NKAIN2: variants seen among roughly 807,000 people sequenced by gnomAD.
NKAIN2 encodes sodium/potassium-transporting ATPase subunit beta-1-interacting protein 2.
A neutral mutation model predicts 32.6 loss-of-function variants in NKAIN2; 14 were observed. The observed-to-expected ratio is 0.43, with a 90% CI of 0.28 to 0.67. NKAIN2 has a LOEUF of 0.67. Among genes scored for constraint, NKAIN2 ranks in the 30% least tolerant of loss-of-function variants. NKAIN2 has a pLI of 0.17. For missense variants in NKAIN2, 198 were observed against 258.3 expected (o/e 0.77, Z 1.60); for synonymous variants, 80 against 87.2 (o/e 0.92, Z 0.46).
chr6:124,028,925 G>A (rs200786449), intron 1 of NKAIN2, among the ~76,000 whole-genome samples: 184 of 81,382 alleles, frequency 2.3e-3, no homozygotes, highest in African/African-American at 6.1e-3. Flanking sequence ...ATATATATGT[G>A]TATATATATA....
At chr6:124,028,160 T>C (rs934716203) in intron 1 of NKAIN2, among the ~76,000 whole-genome samples, 2 of 152,172 alleles carry the variant, frequency 1.3e-5, no homozygotes, top group Non-Finnish European at 2.9e-5. Context: ...ATGTTCTGTA[T>C]ATACTTCATC....
intron 2 of NKAIN2, among the ~76,000 whole-genome samples, chr6:124,291,792 AG>A (rs1795826092): frequency 6.6e-6 from 1 of 152,012 alleles, no homozygotes; most frequent in Non-Finnish European, 1.5e-5. Context: ...AAAGCCCTCA[AG>A]CCCCTATTCC....
In NKAIN2 at chr6:123,980,740, G is replaced by T. The variant is rs114926757; in HGVS notation, c.54+176486G>T. 3.6e-3 allele frequency among the ~76,000 whole-genome samples: 544 copies of T among 152,262 alleles called. 3 individuals are homozygous for T. Among genetic ancestry groups the T allele is most frequent in the African/African-American group, 0.012 (506 of 41,552 alleles). On this transcript the variant is annotated intron_variant, in intron 1 of 6. Transcript: ENST00000368417. ...TGTTTAATTATTTAAAGGATACTTA[G>T]TAGATACTTGTTTTCTGTAAGATTT...
At chr6:124,374,254 A>G (rs1028548528) in intron 3 of NKAIN2, among the ~76,000 whole-genome samples, 1 of 152,112 alleles carries the variant, frequency 6.6e-6, no homozygotes, top group Non-Finnish European at 1.5e-5. Flanking sequence ...AATGTGCTTC[A>G]GTAAAATGAG....
chr6:124,282,397 C>T (rs1582984802), intron 1 of NKAIN2, among the ~76,000 whole-genome samples: 1 of 152,072 alleles, frequency 6.6e-6, no homozygotes, highest in Non-Finnish European at 1.5e-5. Flanking sequence ...TATAATACAA[C>T]ACTATTAGAA....
chr6:124,467,897 T>A (rs74815166), intron 3 of NKAIN2, among the ~76,000 whole-genome samples: 6,858 of 152,160 alleles, frequency 0.045, 262 homozygotes, highest in Non-Finnish European at 0.066. Flanking sequence ...TATGTCCTAC[T>A]AGTTGGTGGC....
At chr6:123,875,295 T>G (rs9385312) in intron 1 of NKAIN2, among the ~76,000 whole-genome samples, 29,652 of 151,908 alleles carry the variant, frequency 0.2, 3,825 homozygotes, top group East Asian at 0.49. Context: ...TTCTTTTTAT[T>G]TATTAGCAAA....
chr6:124,206,504 G>A (rs1165696277), intron 1 of NKAIN2, among the ~76,000 whole-genome samples: 1 of 151,794 alleles, frequency 6.6e-6, no homozygotes, highest in Non-Finnish European at 1.5e-5. Flanking sequence ...GAATTGTTGT[G>A]TTTTGGGCTT....
intron 3 of NKAIN2, among the ~76,000 whole-genome samples, chr6:124,510,751 G>T (rs1297695296): frequency 6.6e-6 from 1 of 151,962 alleles, no homozygotes; most frequent in Non-Finnish European, 1.5e-5. Flanking sequence ...AACCCTTCTT[G>T]TTACAATTAT....
intron 1 of NKAIN2, among the ~76,000 whole-genome samples, chr6:123,954,255 G>A (rs991407530): frequency 1.4e-4 from 21 of 152,234 alleles, no homozygotes; most frequent in African/African-American, 4.3e-4. Context: ...CTCGGGGTGT[G>A]TGTGGGATAC....
intron 3 of NKAIN2, among the ~76,000 whole-genome samples, chr6:124,635,560 C>T (rs1416093227): frequency 6.6e-6 from 1 of 151,998 alleles, no homozygotes; most frequent in Non-Finnish European, 1.5e-5. Flanking sequence ...AAGAAACTAA[C>T]TTCAACTGTA....
chr6:124,666,911 T>C (rs1772824492), intron 4 of NKAIN2, among the ~76,000 whole-genome samples: 1 of 152,182 alleles, frequency 6.6e-6, no homozygotes, highest in Non-Finnish European at 1.5e-5. Flanking sequence ...AGAAATTGCC[T>C]TGAAAACAAT....
chr6:124,047,908 C>A (rs867814861), intron 1 of NKAIN2, among the ~76,000 whole-genome samples: 7 of 152,074 alleles, frequency 4.6e-5, no homozygotes, highest in African/African-American at 1.7e-4. Flanking sequence ...AAAATCTCAC[C>A]CAGCTCTCAG....
intron 1 of NKAIN2, among the ~76,000 whole-genome samples, chr6:124,116,465 T>C (rs1300571568): frequency 2.6e-5 from 4 of 152,064 alleles, no homozygotes; most frequent in Non-Finnish European, 5.9e-5. Flanking sequence ...TGTAACTTTA[T>C]GGTAATAATT....
intron 4 of NKAIN2, among the ~76,000 whole-genome samples, chr6:124,707,611 A>T (rs1014003251): frequency 2.8e-5 from 4 of 143,804 alleles, no homozygotes; most frequent in African/African-American, 1.1e-4. Context: ...GCATTTTTTC[A>T]TGTGTTTTTT....
chr6:123,944,756 A>C (rs1562271000), intron 1 of NKAIN2, among the ~76,000 whole-genome samples: 1 of 151,158 alleles, frequency 6.6e-6, no homozygotes, highest in Non-Finnish European at 1.5e-5. Context: ...AATGACTTGG[A>C]CTTTTTTTTT....
intron 1 of NKAIN2, among the ~76,000 whole-genome samples, chr6:123,842,674 G>GT (rs5879704): frequency 0.023 from 3,471 of 147,848 alleles, 120 homozygotes; most frequent in African/African-American, 0.079. Flanking sequence ...CTATGTTTTT[G>GT]TTTTTTTTTT....
chr6:123,864,759 A>C lies in NKAIN2; in HGVS notation c.54+60505A>C, dbSNP rs368752146. Among the ~76,000 whole-genome samples, 5 of 152,332 alleles carry C rather than the reference A, an allele frequency of 3.3e-5. No individual in the cohort carries two copies. The East Asian group carries it at 5.8e-4, about 18-fold the overall frequency. On this transcript the variant is annotated intron_variant, in intron 1 of 6. Coordinates refer to ENST00000368417, the MANE Select transcript of NKAIN2 (RefSeq NM_001040214.3). ...AAAATATATTAAGAATAAAAATTCA[A>C]TAAATTGAGTGTAATCACTATTCAA...
chr6:123,992,354 T>G (rs1779446990), intron 1 of NKAIN2, among the ~76,000 whole-genome samples: 1 of 152,076 alleles, frequency 6.6e-6, no homozygotes, highest in South Asian at 2.1e-4. Context: ...TAAAAGGAAA[T>G]TTTGCTGAAA....
Sources: gnomAD v4.1 joint callset for allele counts (sites outside exome capture counted in the v4.1 genomes callset) on GRCh38, gnomAD v4.1.1 for gene constraint, MANE v1.5 for transcripts, NCBI Gene and HGNC (gene_info 2026-07-23, HGNC 2026-07-21) for gene names.